Variants in RABEP1 observed in about 807,000 individuals in gnomAD.
RABEP1 encodes rabaptin, RAB GTPase binding effector protein 1.
RABEP1 carries 51 observed loss-of-function variants against 123.4 expected under a neutral mutation model. The ratio of observed to expected loss-of-function variants is 0.41; its 90% CI spans 0.33 to 0.52. The LOEUF (loss-of-function observed/expected upper bound fraction) is 0.52, where lower values mean the gene tolerates loss of function less well. Among genes scored for constraint, RABEP1 ranks in the 20% least tolerant of loss-of-function variants. The probability of loss-of-function intolerance (pLI) is 0.16; values close to 1 mark genes in which losing one functional copy is unlikely to be tolerated. For synonymous variants in RABEP1, 347 were observed against 355.2 expected, an observed-to-expected ratio of 0.98 and a Z score of 0.26; for missense variants, 888 against 996.3, an observed-to-expected ratio of 0.89 and a Z score of 1.46.
chr17:5,348,360 C>T (rs1057226613), intron 6 of RABEP1, among the ~76,000 whole-genome samples: 4 of 152,156 alleles, frequency 2.6e-5, no homozygotes, highest in African/African-American at 7.2e-5. Flanking sequence ...CAGAGAGAAG[C>T]ATGGCATTCA....
intron 8 of RABEP1, 54 bp from the exon 9 acceptor site, chr17:5,361,154 C>G: frequency 6.7e-7 from 1 of 1,483,208 alleles, no homozygotes; most frequent in Non-Finnish European, 9.2e-7. Context: ...TAGTTTTTGT[C>G]TTTAAAAACG....
chr17:5,289,720 A>G (rs990159723), intron 1 of RABEP1, among the ~76,000 whole-genome samples: 1 of 151,090 alleles, frequency 6.6e-6, no homozygotes, highest in Non-Finnish European at 1.5e-5. Context: ...AGCACCCTTT[A>G]TTTTTTTTTC....
chr17:5,382,081 G>A (rs1042779516), intron 17 of RABEP1, among the ~76,000 whole-genome samples: 12 of 126,664 alleles, frequency 9.5e-5, no homozygotes, highest in East Asian at 3.8e-4. Context: ...ATGGAACTTC[G>A]GATTTTTTTT....
At chr17:5,374,832 T>C (rs1910854884) in intron 13 of RABEP1, among the ~76,000 whole-genome samples, 3 of 152,142 alleles carry the variant, frequency 2.0e-5, no homozygotes, top group Non-Finnish European at 4.4e-5. Flanking sequence ...TTAGTAGAGA[T>C]GGGGTTTCAC....
At chr17:5,341,599 G>C (rs9907108) in intron 5 of RABEP1, among the ~76,000 whole-genome samples, 74,093 of 151,994 alleles carry the variant, frequency 0.49, 19,468 homozygotes, top group African/African-American at 0.69. Context: ...CTCTCCAACT[G>C]TTTTTATGAG....
intron 8 of RABEP1, among the ~76,000 whole-genome samples, chr17:5,357,570 T>G (rs908628555): frequency 2.0e-5 from 3 of 151,864 alleles, no homozygotes; most frequent in Admixed American, 6.5e-5. Flanking sequence ...AAGTCTTCAC[T>G]ATGTTGGCTA....
intron 8 of RABEP1, among the ~76,000 whole-genome samples, chr17:5,360,601 C>T (rs1163788916): frequency 6.6e-6 from 1 of 152,208 alleles, no homozygotes; most frequent in Non-Finnish European, 1.5e-5. Flanking sequence ...ATTTCCTTTC[C>T]ACTACTCTGG....
At chr17:5,380,927 G>C (rs749658459) in intron 16 of RABEP1, among the ~76,000 whole-genome samples, 7 of 152,222 alleles carry the variant, frequency 4.6e-5, no homozygotes, top group Admixed American at 6.5e-5. Flanking sequence ...CAGTGTTGCT[G>C]AACTGCTTGT....
chr17:5,359,145 C>T (rs1325882321), intron 8 of RABEP1, among the ~76,000 whole-genome samples: 1 of 149,998 alleles, frequency 6.7e-6, no homozygotes, highest in Non-Finnish European at 1.5e-5. Context: ...GTGATCTCGG[C>T]TCACTGCAAG....
rs76525133 is a variant in RABEP1 at position 5,384,767 on chromosome 17, T to C, written c.*1544T>C. 0.019 allele frequency: 1,397 copies of C among 73,770 alleles called. 21 individuals are homozygous for C. Among genetic ancestry groups the C allele is most frequent in the African/African-American group, 0.072 (1,294 of 17,886 alleles). The allele number at this position is 73,770 out of a possible 1,614,324, so 4.6% of individuals were successfully genotyped here. A position where few individuals can be genotyped will look rare whatever the true frequency, so the allele number is the denominator to read the frequency against. ...AGGCTTGCCGCACATGAAACATTAT[T>C]TTAATTGGTTTAAAGTCCCTTTATA... is the stretch of plus-strand genomic sequence containing the variant. On this transcript the variant is annotated 3_prime_UTR_variant, in exon 18 of 18. Coordinates refer to ENST00000537505, the MANE Select transcript of RABEP1 (RefSeq NM_004703.6).
At chr17:5,316,853 AAAAT>A (rs1309749162) in intron 2 of RABEP1, among the ~76,000 whole-genome samples, 33 of 149,788 alleles carry the variant, frequency 2.2e-4, no homozygotes, top group South Asian at 4.2e-4. Context: ...AAAAAAAAAA[AAAAT>A]ATAAGAAACA....
At chr17:5,284,784 G>A (rs1039104051) in intron 1 of RABEP1, among the ~76,000 whole-genome samples, 1 of 151,270 alleles carries the variant, frequency 6.6e-6, no homozygotes, top group Non-Finnish European at 1.5e-5. Flanking sequence ...TTTAATTTGT[G>A]TCTTTAGCTG....
At position 5,363,295 on chromosome 17, in the gene RABEP1, CT is replaced by C. The variant is rs552370605; in HGVS notation, c.1668+280del. ...GGAGTGCAGGGGGGATCTCAGCTCACTGCAACTTCCGACCCCCTGGTTCAAG... is the reference window on the plus strand; with the variant it reads ...GGAGTGCAGGGGGGATCTCAGCTCACGCAACTTCCGACCCCCTGGTTCAAG... On this transcript the variant is annotated intron_variant, in intron 10 of 17. Transcript: ENST00000537505. Among the ~76,000 whole-genome samples the C allele has an allele frequency of 7.5e-4, 113 of 151,654 alleles. 1 individual carries two copies. The highest frequency in any genetic ancestry group is 3.8e-3 in the South Asian group (18 of 4,770).
intron 2 of RABEP1, among the ~76,000 whole-genome samples, chr17:5,328,932 CAAA>C (rs1353065128): frequency 9.6e-6 from 1 of 104,498 alleles, no homozygotes. Flanking sequence ...GAGACTGTCT[CAAA>C]AAAAAAAAAA....
At chr17:5,383,058 C>G in intron 17 of RABEP1, 64 bp from the exon 18 acceptor site, 2 of 1,337,704 alleles carry the variant, frequency 1.5e-6, no homozygotes, top group Non-Finnish European at 2.2e-6. Context: ...CTCAGCTAAA[C>G]CAGTCAAAGT....
At chr17:5,340,773 C>T (rs1031149533) in intron 5 of RABEP1, among the ~76,000 whole-genome samples, 3 of 151,108 alleles carry the variant, frequency 2.0e-5, no homozygotes, top group Non-Finnish European at 2.9e-5. Context: ...GTAGTGAAAC[C>T]CCATCTCTAC....
At chr17:5,373,576 G>A (rs1910706910) in intron 13 of RABEP1, 122 bp downstream of exon 13, 2 of 1,117,512 alleles carry the variant, frequency 1.8e-6, no homozygotes, top group Admixed American at 2.8e-5. Context: ...CATTTAAAAT[G>A]TACCATTCAG....
At chr17:5,367,429 GC>G (rs1033487939) in intron 11 of RABEP1, among the ~76,000 whole-genome samples, 32 of 150,318 alleles carry the variant, frequency 2.1e-4, no homozygotes, top group Non-Finnish European at 6.0e-5. Flanking sequence ...CCGCCACCAC[GC>G]CCGGCTAATT....
In RABEP1 at chr17:5,298,769, C is replaced by T. The variant is rs192294787; in HGVS notation, c.35-9925C>T. 3.4e-3 allele frequency among the ~76,000 whole-genome samples: 515 copies of T among 152,062 alleles called. 4 individuals are homozygous for T. Among genetic ancestry groups the T allele is most frequent in the African/African-American group, 0.012 (497 of 41,472 alleles). On this transcript the variant is annotated intron_variant, in intron 1 of 17. Coordinates refer to ENST00000537505, the MANE Select transcript of RABEP1 (RefSeq NM_004703.6). ...CTCCCGGGTTCATGCCTTTCTCCTG[C>T]CTCAGCCTTCTGAGTAGCTGGGACT...
Sources: gnomAD v4.1 joint callset for allele counts (sites outside exome capture counted in the v4.1 genomes callset) on GRCh38, gnomAD v4.1.1 for gene constraint, MANE v1.5 for transcripts, NCBI Gene and HGNC (gene_info 2026-07-23, HGNC 2026-07-21) for gene names.